PXK: variants seen among roughly 807,000 people sequenced by gnomAD.
PXK encodes the protein PX domain-containing protein kinase-like protein.
In PXK, 35 loss-of-function variants were observed where a neutral mutation model predicts 84.7. That is an observed-to-expected ratio of 0.41 (90% confidence interval 0.32 to 0.55). PXK has a LOEUF of 0.55. Ranked by LOEUF, PXK falls within the 20% of genes least tolerant of loss-of-function variation. PXK has a pLI of 0.21. For missense variants in PXK, 634 were observed against 699.7 expected, an observed-to-expected ratio of 0.91 and a Z score of 1.06; for synonymous variants, 253 against 260.8, an observed-to-expected ratio of 0.97 and a Z score of 0.29.
intron 8 of PXK, among the ~76,000 whole-genome samples, chr3:58,395,445 C>A (rs1397979178): frequency 6.6e-6 from 1 of 152,154 alleles, no homozygotes; most frequent in Non-Finnish European, 1.5e-5. Context: ...AGGGCAAGAC[C>A]AGGCACATCT....
At position 58,421,217 on chromosome 3, in the gene PXK, C is replaced by G; in HGVS notation, c.1529-3535C>G. The G allele has an allele frequency of 3.0e-6, 3 of 985,340 alleles. No individual in the cohort carries two copies. Among genetic ancestry groups the G allele is most frequent in the Non-Finnish European group, 3.6e-6 (3 of 829,912 alleles). 61.0% of individuals were successfully genotyped at this position (985,340 alleles called of 1,614,324 possible). A position where few individuals can be genotyped will look rare whatever the true frequency, so the allele number is the denominator to read the frequency against. On this transcript the variant is annotated intron_variant, in intron 17 of 17. Transcript: ENST00000356151. This position sits in a 1 kb window ranked among gnomAD's most constrained non-coding sequence, Gnocchi z 5.5. ...ACTTGGCCTCCCTTCCTGTATGTGA[C>G]CACAAAGGAGCTCAGAATTAGAGAG...
At chr3:58,340,142 A>G (rs1348606461) in intron 1 of PXK, among the ~76,000 whole-genome samples, 1 of 134,918 alleles carries the variant, frequency 7.4e-6, no homozygotes, top group African/African-American at 2.9e-5. Flanking sequence ...TTTTTTTAAG[A>G]CAGGGTCTCA....
At chr3:58,388,502 C>T (rs1048818055) in intron 4 of PXK, among the ~76,000 whole-genome samples, 3 of 152,136 alleles carry the variant, frequency 2.0e-5, no homozygotes, top group Non-Finnish European at 4.4e-5. Flanking sequence ...TTTGGAAATA[C>T]TAAAAACACT....
intron 7 of PXK, among the ~76,000 whole-genome samples, chr3:58,393,375 C>G (rs896997697): frequency 4.6e-5 from 7 of 152,074 alleles, no homozygotes; most frequent in Non-Finnish European, 8.8e-5. Context: ...GAAAAGAAAA[C>G]TCACCAGTAA....
intron 4 of PXK, among the ~76,000 whole-genome samples, chr3:58,386,517 G>A (rs969453598): frequency 6.6e-6 from 1 of 151,654 alleles, no homozygotes; most frequent in Non-Finnish European, 1.5e-5. Context: ...GGCTGGTCTT[G>A]AACTCCTGAC....
chr3:58,382,636 C>A lies in PXK; in HGVS notation c.324C>A (p.Ile108=). The stretch of plus-strand genomic sequence containing the variant: ...TCAACGTGATCACAACAAATCATAT[C>A]TTGTCTAATTGTGAGCTGGTTAAGA... ...NYLNVITTNH[I]LSNCELVKKF... Residue 108 remains isoleucine (I), a synonymous_variant, in exon 4 of 18, where the codon ATC becomes ATA. Coordinates refer to ENST00000356151, the MANE Select transcript of PXK (RefSeq NM_017771.5). The A allele has an allele frequency of 1.3e-6, 2 of 1,599,934 alleles. No individual in the cohort carries two copies. The highest frequency in any genetic ancestry group is 1.7e-6 in the Non-Finnish European group (2 of 1,175,724).
intron 2 of PXK, among the ~76,000 whole-genome samples, chr3:58,367,744 G>T (rs1376598930): frequency 2.0e-5 from 3 of 152,048 alleles, no homozygotes; most frequent in African/African-American, 7.3e-5. Context: ...GTGCAGTGGT[G>T]TGATCACAGC....
At chr3:58,408,654 C>T (rs2059738153) in intron 13 of PXK, among the ~76,000 whole-genome samples, 1 of 151,970 alleles carries the variant, frequency 6.6e-6, no homozygotes, top group Non-Finnish European at 1.5e-5. Context: ...TCCTGAGTAG[C>T]TGGGACTACA....
chr3:58,393,891 A>T (rs1428558862), intron 7 of PXK, among the ~76,000 whole-genome samples: 1 of 152,162 alleles, frequency 6.6e-6, no homozygotes, highest in Admixed American at 6.5e-5. Context: ...TTTTAAAAAA[A>T]TTTATATTAG....
At chr3:58,384,070 G>A (rs1187869307) in intron 4 of PXK, among the ~76,000 whole-genome samples, 2 of 152,166 alleles carry the variant, frequency 1.3e-5, no homozygotes, top group African/African-American at 4.8e-5. Context: ...TGATTAAATC[G>A]GAGTCTTGTG....
chr3:58,371,326 G>C (rs999280657), intron 3 of PXK, among the ~76,000 whole-genome samples: 4 of 152,208 alleles, frequency 2.6e-5, no homozygotes, highest in Non-Finnish European at 4.4e-5. Context: ...TGACATTGTA[G>C]ATAAGGTATC....
rs1272256527 is a variant in PXK at position 58,425,806 on chromosome 3, A to G, written c.*846A>G. 6.6e-6 allele frequency: 1 copy of G among 152,246 alleles called. No individual in the cohort carries two copies. Among genetic ancestry groups the G allele is most frequent in the South Asian group, 2.1e-4 (1 of 4,830 alleles). 9.4% of individuals were successfully genotyped at this position (152,246 alleles called of 1,614,324 possible). A position where few individuals can be genotyped will look rare whatever the true frequency, so the allele number is the denominator to read the frequency against. ...GAAAGATTTATCTAAATATATCAAT[A>G]TAGCATCTCTTTAATGTTAGTCATT... On this transcript the variant is annotated 3_prime_UTR_variant, in exon 18 of 18. Coordinates refer to ENST00000356151, the MANE Select transcript of PXK (RefSeq NM_017771.5).
intron 13 of PXK, among the ~76,000 whole-genome samples, chr3:58,405,495 A>G (rs2059251890): frequency 6.6e-6 from 1 of 152,146 alleles, no homozygotes; most frequent in African/African-American, 2.4e-5. Flanking sequence ...CCTGGCCAAC[A>G]TGGCAAAACC....
chr3:58,365,773 A>G (rs1005211225), intron 1 of PXK, 101 bp from the exon 2 acceptor site: 28 of 917,156 alleles, frequency 3.1e-5, no homozygotes, highest in Non-Finnish European at 4.3e-5. Flanking sequence ...CTTGCTCTGA[A>G]GTCTACTTTA....
chr3:58,351,246 G>A (rs751289354), intron 1 of PXK, among the ~76,000 whole-genome samples: 7 of 151,920 alleles, frequency 4.6e-5, no homozygotes, highest in Middle Eastern at 3.2e-3. Context: ...TCACTCTATC[G>A]CCCAGGCTGG....
Position 58,423,848 on chromosome 3 carries a change from C to G in PXK, c.1529-904C>G, listed in dbSNP as rs1344169239. Reference sequence around the variant, plus strand: ...GTCCTGAGAGAACCATTCATTGATTCTAAAATATAAAATTCGAGTTGCAAA... The same window carrying G: ...GTCCTGAGAGAACCATTCATTGATTGTAAAATATAAAATTCGAGTTGCAAA... On this transcript the variant is annotated intron_variant, in intron 17 of 17. Transcript: ENST00000356151. Among the ~76,000 whole-genome samples the G allele has an allele frequency of 2.8e-4, 43 of 152,170 alleles. 1 individual carries two copies. The highest frequency in any genetic ancestry group is 2.7e-3 in the Admixed American group (41 of 15,274).
Position 58,421,733 on chromosome 3 carries a change from TC to T in PXK, c.1529-3016del, listed in dbSNP as rs1272459312. 1.0e-4 allele frequency: 101 copies of T among 985,324 alleles called. No individual in the cohort carries two copies. Among genetic ancestry groups the T allele is most frequent in the Non-Finnish European group, 1.2e-4 (98 of 829,944 alleles). The allele number at this position is 985,324 out of a possible 1,614,324, so 61.0% of individuals were successfully genotyped here. ...CAGGGCCTCTGCTGGACTGCCAGGTTCCCGTGTGGTTTGGTGGAGAAGATTT... is the reference window on the plus strand; with the variant it reads ...CAGGGCCTCTGCTGGACTGCCAGGTTCCGTGTGGTTTGGTGGAGAAGATTT... On this transcript the variant is annotated intron_variant, in intron 17 of 17. Coordinates refer to ENST00000356151, the MANE Select transcript of PXK (RefSeq NM_017771.5). This position sits in a 1 kb window ranked among gnomAD's most constrained non-coding sequence, Gnocchi z 5.5.
intron 7 of PXK, among the ~76,000 whole-genome samples, chr3:58,394,494 G>T (rs1424772101): frequency 3.3e-5 from 5 of 152,166 alleles, no homozygotes; most frequent in Non-Finnish European, 7.3e-5. Flanking sequence ...ACTTTTGCCT[G>T]TTTTCTGGCT....
chr3:58,361,336 A>T (rs1035651042), intron 1 of PXK, among the ~76,000 whole-genome samples: 11 of 151,384 alleles, frequency 7.3e-5, no homozygotes, highest in Admixed American at 4.0e-4. Context: ...GAGATCCCAT[A>T]TACCCTTTAC....
Sources: gnomAD v4.1 joint callset for allele counts (sites outside exome capture counted in the v4.1 genomes callset) on GRCh38, gnomAD v4.1.1 for gene constraint, Gnocchi (gnomAD v3.1) non-coding constraint, MANE v1.5 for transcripts, NCBI Gene and HGNC (gene_info 2026-07-23, HGNC 2026-07-21) for gene names.